ASB17: variants seen among roughly 807,000 people sequenced by gnomAD.
ASB17 encodes ankyrin repeat and SOCS box containing 17.
In ASB17, 26 loss-of-function variants were observed where a neutral mutation model predicts 25.7. The observed-to-expected ratio is 1.01, with a 90% CI of 0.74 to 1.40. ASB17 has a LOEUF of 1.40. Among genes scored for constraint, ASB17 ranks in the 40% most tolerant of loss-of-function variants. ASB17 has a pLI of 0.00. For missense variants in ASB17, 326 were observed against 338.5 expected, an observed-to-expected ratio of 0.96 and a Z score of 0.29; for synonymous variants, 128 against 121.4, an observed-to-expected ratio of 1.05 and a Z score of -0.36.
rs966147745 is a variant in ASB17 at position 75,932,330 on chromosome 1, T to TTG, written c.-40_-39insCA. 3.3e-6 allele frequency: 5 copies of TTG among 1,523,168 alleles called. No individual in the cohort carries two copies. In the African/African-American group the frequency reaches 6.9e-5, roughly 21 times the overall value. The allele number at this position is 1,523,168 out of a possible 1,614,324, so 94.4% of individuals were successfully genotyped here. On this transcript the variant is annotated 5_prime_UTR_variant, in exon 1 of 3. The change abolishes the stop of an existing upstream ORF in the 5' untranslated region. Coordinates refer to ENST00000284142, the MANE Select transcript of ASB17 (RefSeq NM_080868.3). Reference sequence around the variant, plus strand: ...AGCACTGTAGAAATAAAATCAGAGGTAAGCATACTGTAATCCTCCAGTTAC... The same window carrying TTG: ...AGCACTGTAGAAATAAAATCAGAGGTTGAAGCATACTGTAATCCTCCAGTTAC...
Position 75,932,382 on chromosome 1 carries a change from C to T in ASB17, c.-91G>A. ...TATTTTGACAATGTGGCAGGCTTTA[C>T]TCCACAAACAGAAGTGCCCTTTAAA... On this transcript the variant is annotated 5_prime_UTR_variant, in exon 1 of 3. Transcript: ENST00000284142. 1 of 1,216,608 alleles carries T rather than the reference C, an allele frequency of 8.2e-7. No individual in the cohort carries two copies. Among genetic ancestry groups the T allele is most frequent in the African/African-American group, 1.5e-5 (1 of 66,088 alleles). 75.4% of individuals were successfully genotyped at this position (1,216,608 alleles called of 1,614,324 possible).
rs772064603 is a variant in ASB17, at chr1:75,918,908, T to C, written c.*44A>G. The C allele has an allele frequency of 6.8e-7, 1 of 1,474,648 alleles. No homozygotes were observed. The highest frequency in any genetic ancestry group is 1.7e-5 in the Admixed American group (1 of 59,714). The allele number at this position is 1,474,648 out of a possible 1,614,324, so 91.3% of individuals were successfully genotyped here. ...TGAATTTTTATTAACTTCTAAGCCA[T>C]ACATTGGTAAGCATTGTTAAGGAAC... On this transcript the variant is annotated 3_prime_UTR_variant, in exon 3 of 3. Transcript: ENST00000284142.
intron 1 of ASB17, among the ~76,000 whole-genome samples, chr1:75,928,840 A>T (rs1653242789): frequency 6.6e-6 from 1 of 152,218 alleles, no homozygotes; most frequent in South Asian, 2.1e-4. Context: ...ATCCGTGAGG[A>T]TAGATAGTGA....
chr1:75,922,825 C>G (rs968854998), intron 1 of ASB17, among the ~76,000 whole-genome samples: 8 of 152,092 alleles, frequency 5.3e-5, no homozygotes, highest in African/African-American at 1.9e-4. Context: ...GTTTTCCACT[C>G]TATGAATCTA....
rs1192156404 is a variant in ASB17, at chr1:75,932,047, T to C, written c.245A>G (p.Glu82Gly). 1 of 1,614,112 alleles carries C rather than the reference T, an allele frequency of 6.2e-7. No individual in the cohort carries two copies. The highest frequency in any genetic ancestry group is 1.1e-5 in the South Asian group (1 of 91,080). The stretch of plus-strand genomic sequence containing the variant: ...AGTGAAGTCGAGGTTAAAACTTACT[T>C]CAAAACGGTATCCTGATTTTTCCAC... ...AFVEKSGYRFEVSFNLDFTEI... is the reference protein window; with the variant it reads ...AFVEKSGYRFGVSFNLDFTEI... The change falls in exon 1 of 3, where the codon GAA (glutamate) becomes GGA (glycine). Residue 82 changes from glutamate to glycine, a missense_variant. Glu to Gly is a moderately conservative substitution (Grantham distance 98). Coordinates refer to ENST00000284142, the MANE Select transcript of ASB17 (RefSeq NM_080868.3).
intron 1 of ASB17, 122 bp from the exon 2 acceptor site, chr1:75,922,481 TA>T: frequency 1.9e-6 from 1 of 538,924 alleles, no homozygotes; most frequent in Non-Finnish European, 2.8e-6. Context: ...TGTAACTTTA[TA>T]TGTTTCTTTT....
rs1461258717 is a variant in ASB17, at chr1:75,918,877, A to T, written c.*75T>A. The T allele has an allele frequency of 8.3e-7, 1 of 1,204,374 alleles. No homozygotes were observed. The highest frequency in any genetic ancestry group is 1.2e-6 in the Non-Finnish European group (1 of 821,540). 74.6% of individuals were successfully genotyped at this position (1,204,374 alleles called of 1,614,324 possible). A position where few individuals can be genotyped will look rare whatever the true frequency, so the allele number is the denominator to read the frequency against. ...AATGTTTAATGCAATAAAAACTTAC[A>T]TGAAGTGAATTTTTATTAACTTCTA... On this transcript the variant is annotated 3_prime_UTR_variant, in exon 3 of 3. Coordinates refer to ENST00000284142, the MANE Select transcript of ASB17 (RefSeq NM_080868.3).
chr1:75,931,159 G>A (rs1304999969), intron 1 of ASB17, among the ~76,000 whole-genome samples: 4 of 152,144 alleles, frequency 2.6e-5, no homozygotes, highest in African/African-American at 9.7e-5. Context: ...ACATAGTAAT[G>A]TGATTAATAA....
intron 1 of ASB17, among the ~76,000 whole-genome samples, chr1:75,924,537 C>T (rs554916928): frequency 3.9e-5 from 6 of 152,002 alleles, no homozygotes; most frequent in Non-Finnish European, 7.4e-5. Flanking sequence ...TATATATACA[C>T]ACACATACAC....
At chr1:75,921,976 G>A in intron 2 of ASB17, 104 bp downstream of exon 2, 3 of 999,280 alleles carry the variant, frequency 3.0e-6, no homozygotes, top group Non-Finnish European at 4.3e-6. Context: ...ATCTGTCACT[G>A]GACATATTCT....
chr1:75,932,022 A>G lies in ASB17; in HGVS notation c.270T>C (p.Thr90=). 1 of 1,614,168 alleles carries G rather than the reference A, an allele frequency of 6.2e-7. No homozygotes were observed. Among genetic ancestry groups the G allele is most frequent in the South Asian group, 1.1e-5 (1 of 91,082 alleles). Residue 90 remains threonine, a synonymous_variant, in exon 1 of 3, where the codon ACT becomes ACC. Transcript: ENST00000284142. ...ACAGAATTGTATTCACACATATTTCAGTGAAGTCGAGGTTAAAACTTACTT... is the reference window on the plus strand; with the variant it reads ...ACAGAATTGTATTCACACATATTTCGGTGAAGTCGAGGTTAAAACTTACTT... ...RFEVSFNLDF[T]EICVNTILYW... is the part of the protein sequence containing the mutation.
At chr1:75,919,617 A>C (rs928265877) in intron 2 of ASB17, among the ~76,000 whole-genome samples, 1 of 152,054 alleles carries the variant, frequency 6.6e-6, no homozygotes, top group African/African-American at 2.4e-5. Context: ...GTTCCCACCT[A>C]TGAGTGACAA....
intron 1 of ASB17, among the ~76,000 whole-genome samples, chr1:75,927,688 C>T (rs1468688754): frequency 6.6e-6 from 1 of 152,098 alleles, no homozygotes; most frequent in Non-Finnish European, 1.5e-5. Context: ...CCCCCCAACT[C>T]TTCCCACATA....
intron 1 of ASB17, 78 bp downstream of exon 1, chr1:75,931,813 G>T: frequency 7.3e-7 from 1 of 1,362,006 alleles, no homozygotes. Flanking sequence ...ATACATGTGA[G>T]TTTTAGAAAA....
chr1:75,922,482 ATGTTTCTT>A, intron 1 of ASB17, 123 bp from the exon 2 acceptor site: 1 of 235,606 alleles, frequency 4.2e-6, no homozygotes, highest in Non-Finnish European at 6.9e-6. Flanking sequence ...GTAACTTTAT[ATGTTTCTT>A]TTTTTTTTTT....
chr1:75,930,860 G>GA lies in ASB17; in HGVS notation c.401+1030dup, dbSNP rs554669533. Reference sequence around the variant, plus strand: ...GCCCAGCTAGTGACAGTCAGCTTTAGAAGATTTGCTGATCTCTGCTGTAGT... The same window carrying GA: ...GCCCAGCTAGTGACAGTCAGCTTTAGAAAGATTTGCTGATCTCTGCTGTAGT... On this transcript the variant is annotated intron_variant, in intron 1 of 2. Coordinates refer to ENST00000284142, the MANE Select transcript of ASB17 (RefSeq NM_080868.3). Among the ~76,000 whole-genome samples, 14 of 152,306 alleles carry GA rather than the reference G, an allele frequency of 9.2e-5. No homozygotes were observed. In the South Asian group the frequency reaches 2.9e-3, roughly 32 times the overall value.
At chr1:75,920,973 A>C (rs1431954243) in intron 2 of ASB17, among the ~76,000 whole-genome samples, 2 of 151,950 alleles carry the variant, frequency 1.3e-5, no homozygotes, top group Non-Finnish European at 2.9e-5. Context: ...ACGGGGTTTC[A>C]CCTTGTTAGC....
intron 1 of ASB17, 28 bp from the exon 2 acceptor site, chr1:75,922,387 T>C (rs1324032127): frequency 1.8e-5 from 27 of 1,502,492 alleles, no homozygotes; most frequent in Non-Finnish European, 2.4e-5. Context: ...CAAAAACTCA[T>C]TGGATATAGA....
At position 75,918,905 on chromosome 1, in the gene ASB17, C is replaced by A. The variant is rs920319466; in HGVS notation, c.*47G>T. 3 of 1,447,124 alleles carry A rather than the reference C, an allele frequency of 2.1e-6. No individual in the cohort carries two copies. The highest frequency in any genetic ancestry group is 2.8e-5 in the African/African-American group (2 of 71,438). The allele number at this position is 1,447,124 out of a possible 1,614,324, so 89.6% of individuals were successfully genotyped here. On this transcript the variant is annotated 3_prime_UTR_variant, in exon 3 of 3. Coordinates refer to ENST00000284142, the MANE Select transcript of ASB17 (RefSeq NM_080868.3). ...AAGTGAATTTTTATTAACTTCTAAG[C>A]CATACATTGGTAAGCATTGTTAAGG... is the stretch of plus-strand genomic sequence containing the variant.
Sources: allele counts gnomAD v4.1 joint callset (sites outside exome capture counted in the v4.1 genomes callset), GRCh38; gene constraint gnomAD v4.1.1; transcripts MANE v1.5; gene names NCBI Gene and HGNC (gene_info 2026-07-23, HGNC 2026-07-21).